The following XRCC4 variants were observed in gnomAD, a reference collection of about 807,000 sequenced individuals.
The protein encoded by XRCC4 is X-ray repair cross complementing 4.
A neutral mutation model predicts 39.1 loss-of-function variants in XRCC4; 28 were observed. The observed-to-expected ratio is 0.72, with a 90% CI of 0.53 to 0.98. XRCC4 has a LOEUF of 0.98. Among genes scored for constraint, XRCC4 ranks in the 50% least tolerant of loss-of-function variants. The pLI is 0.00. For synonymous variants in XRCC4, 123 were observed against 126.4 expected (o/e 0.97, Z 0.18); for missense variants, 350 against 376.4 (o/e 0.93, Z 0.58).
At chr5:83,110,519 A>C (rs3901654) in intron 2 of XRCC4, among the ~76,000 whole-genome samples, 85,645 of 151,798 alleles carry the variant, frequency 0.56, 24,725 homozygotes, top group African/African-American at 0.69. Context: ...CCTTCCTATT[A>C]TTTCCTTATC....
chr5:83,363,393 G>A, the XRCC4 span, among the ~76,000 whole-genome samples: 1 of 152,100 alleles, frequency 6.6e-6, no homozygotes, highest in Non-Finnish European at 1.5e-5. Flanking sequence ...ACCTGAATAA[G>A]CATCTGTGAA....
At chr5:83,366,331 A>C in the XRCC4 span, among the ~76,000 whole-genome samples, 15 of 152,220 alleles carry the variant, frequency 9.9e-5, no homozygotes, top group African/African-American at 3.6e-4. Flanking sequence ...TTACAGCAGA[A>C]CAAAACAAGA....
intron 7 of XRCC4, among the ~76,000 whole-genome samples, chr5:83,279,757 G>A (rs1372383459): frequency 6.6e-6 from 1 of 152,182 alleles, no homozygotes; most frequent in African/African-American, 2.4e-5. Context: ...GTCTGTACAA[G>A]TGAATCTATA....
intron 6 of XRCC4, among the ~76,000 whole-genome samples, chr5:83,231,650 T>C (rs929667113): frequency 1.3e-5 from 2 of 152,112 alleles, no homozygotes; most frequent in African/African-American, 4.8e-5. Flanking sequence ...CACTGTCACA[T>C]TGCTAAACAA....
At chr5:83,143,505 G>A (rs559920342) in intron 3 of XRCC4, among the ~76,000 whole-genome samples, 1 of 152,232 alleles carries the variant, frequency 6.6e-6, no homozygotes, top group East Asian at 1.9e-4. Context: ...ACATTCTGTT[G>A]TGGAGTTGGT....
intron 6 of XRCC4, among the ~76,000 whole-genome samples, chr5:83,212,361 T>TA (rs147475875): frequency 0.016 from 2,437 of 150,986 alleles, 61 homozygotes; most frequent in African/African-American, 0.055. Context: ...ATTGTCAGAA[T>TA]AAAAAAAAAT....
chr5:83,304,076 C>A (rs1409702716), intron 7 of XRCC4, among the ~76,000 whole-genome samples: 1 of 151,348 alleles, frequency 6.6e-6, no homozygotes, highest in Non-Finnish European at 1.5e-5. Flanking sequence ...TATTTTGGAA[C>A]ACAGTTCACA....
At chr5:83,160,698 T>A (rs1057230379) in intron 3 of XRCC4, among the ~76,000 whole-genome samples, 10 of 152,302 alleles carry the variant, frequency 6.6e-5, no homozygotes, top group African/African-American at 2.4e-4. Flanking sequence ...TTAGTTGCCT[T>A]TGGGTAAGGT....
At chr5:83,221,024 G>A (rs764849268) in intron 6 of XRCC4, among the ~76,000 whole-genome samples, 1 of 151,926 alleles carries the variant, frequency 6.6e-6, no homozygotes, top group African/African-American at 2.4e-5. Flanking sequence ...CTTAGATCTG[G>A]CTCACATTGT....
Position 83,092,349 on chromosome 5 carries a change from C to G in XRCC4, c.-10-12561C>G, listed in dbSNP as rs1051411082. ...AATTGTTTCCTTTGATGTGCAGAAG[C>G]TTTCTAGTTTGATGTAATCTCATTT... On this transcript the variant is annotated intron_variant, in intron 1 of 7. Coordinates refer to ENST00000396027, the MANE Select transcript of XRCC4 (RefSeq NM_003401.5). 5.9e-5 allele frequency among the ~76,000 whole-genome samples: 9 copies of G among 152,092 alleles called. 1 individual carries two copies. The highest frequency in any genetic ancestry group is 2.9e-5 in the Non-Finnish European group (2 of 67,994).
intron 7 of XRCC4, among the ~76,000 whole-genome samples, chr5:83,315,708 G>A (rs1755855295): frequency 6.6e-6 from 1 of 152,082 alleles, no homozygotes; most frequent in South Asian, 2.1e-4. Flanking sequence ...ATGATTTACT[G>A]ATTATTGCAG....
intron 7 of XRCC4, among the ~76,000 whole-genome samples, chr5:83,309,366 G>A (rs1203858086): frequency 2.3e-5 from 3 of 130,528 alleles, no homozygotes; most frequent in Non-Finnish European, 3.1e-5. Flanking sequence ...TTGAAATATC[G>A]ACACTGAAAT....
chr5:83,311,638 C>G (rs147912003), intron 7 of XRCC4, among the ~76,000 whole-genome samples: 112 of 151,850 alleles, frequency 7.4e-4, no homozygotes, highest in African/African-American at 2.5e-3. Flanking sequence ...AAAAAATTAC[C>G]AACAAAATTT....
chr5:83,087,456 C>T (rs376418221), intron 1 of XRCC4, among the ~76,000 whole-genome samples: 1 of 150,998 alleles, frequency 6.6e-6, no homozygotes, highest in Non-Finnish European at 1.5e-5. Flanking sequence ...TGAGGTCAGG[C>T]GTTTGAGACC....
intron 3 of XRCC4, among the ~76,000 whole-genome samples, chr5:83,140,453 C>A (rs1748114582): frequency 6.6e-6 from 1 of 152,128 alleles, no homozygotes; most frequent in Non-Finnish European, 1.5e-5. Flanking sequence ...TTTGTTCTAG[C>A]CGCACTGGCA....
chr5:83,309,628 G>A (rs1202544437), intron 7 of XRCC4, among the ~76,000 whole-genome samples: 2 of 151,684 alleles, frequency 1.3e-5, no homozygotes, highest in Non-Finnish European at 2.9e-5. Context: ...GCCAGATGTG[G>A]TGGCGGGCGC....
At chr5:83,138,723 A>C (rs1748021067) in intron 3 of XRCC4, among the ~76,000 whole-genome samples, 1 of 152,064 alleles carries the variant, frequency 6.6e-6, no homozygotes, top group Non-Finnish European at 1.5e-5. Flanking sequence ...ATTAAAGGCA[A>C]GTTTCTTTAT....
At chr5:83,175,460 G>A (rs75074952) in intron 3 of XRCC4, among the ~76,000 whole-genome samples, 3,750 of 152,188 alleles carry the variant, frequency 0.025, 67 homozygotes, top group East Asian at 0.071. Context: ...GTAAACTTTT[G>A]TAAATAAACT....
intron 7 of XRCC4, among the ~76,000 whole-genome samples, chr5:83,350,889 A>G (rs1019948081): frequency 6.6e-6 from 1 of 152,104 alleles, no homozygotes; most frequent in Non-Finnish European, 1.5e-5. Flanking sequence ...TAAGTTTTTT[A>G]TAGTTTGAAA....
Sources: gnomAD v4.1 joint callset for allele counts (sites outside exome capture counted in the v4.1 genomes callset) on GRCh38, gnomAD v4.1.1 for gene constraint, MANE v1.5 for transcripts, NCBI Gene and HGNC (gene_info 2026-07-23, HGNC 2026-07-21) for gene names.